The following POLI variants were observed in gnomAD, a reference collection of about 807,000 sequenced individuals.
POLI encodes DNA polymerase iota.
In POLI, 58 loss-of-function variants were observed where a neutral mutation model predicts 51.6. The ratio of observed to expected loss-of-function variants is 1.12; its 90% CI spans 0.91 to 1.40. The LOEUF is 1.40. Ranked by LOEUF, POLI falls within the 40% of genes most tolerant of loss-of-function variation. The pLI, the probability that POLI is intolerant of heterozygous loss-of-function variation, is 0.00. For synonymous variants in POLI, 322 were observed against 299.7 expected (o/e 1.07, Z -0.77); for missense variants, 921 against 871.3 (o/e 1.06, Z -0.72).
intron 3 of POLI, among the ~76,000 whole-genome samples, chr18:54,315,112 T>C (rs2088716568): frequency 6.6e-6 from 1 of 152,320 alleles, no homozygotes; most frequent in East Asian, 1.9e-4. Context: ...CTATAAACTT[T>C]ACTCTTATGA....
intron 2 of POLI, among the ~76,000 whole-genome samples, chr18:54,271,938 G>A (rs1249229370): frequency 6.6e-6 from 1 of 152,074 alleles, no homozygotes; most frequent in African/African-American, 2.4e-5. Flanking sequence ...GTATTATTAA[G>A]ACAGCAAACT....
Position 54,295,924 on chromosome 18 carries a change from G to C in POLI, c.*1457G>C, listed in dbSNP as rs2088306335. The C allele has an allele frequency of 1.0e-6, 1 of 983,700 alleles. No individual in the cohort carries two copies. Among genetic ancestry groups the C allele is most frequent in the African/African-American group, 1.7e-5 (1 of 57,186 alleles). 60.9% of individuals were successfully genotyped at this position (983,700 alleles called of 1,614,324 possible). A position where few individuals can be genotyped will look rare whatever the true frequency, so the allele number is the denominator to read the frequency against. ...TTACAGGTGTGAGCCATTGCTCCTG[G>C]CCCCAGCTCTGAAATTTTAACTTAG... On this transcript the variant is annotated 3_prime_UTR_variant, in exon 10 of 10. Coordinates refer to ENST00000579534, the MANE Select transcript of POLI (RefSeq NM_007195.3).
intron 5 of POLI, among the ~76,000 whole-genome samples, chr18:54,281,419 C>T (rs550922585): frequency 3.3e-5 from 5 of 152,216 alleles, no homozygotes; most frequent in Non-Finnish European, 7.4e-5. Context: ...AGATTAAATA[C>T]CCAAGTTTTT....
chr18:54,313,005 C>T (rs543517932), intron 3 of POLI, among the ~76,000 whole-genome samples: 1 of 152,228 alleles, frequency 6.6e-6, no homozygotes, highest in South Asian at 2.1e-4. Flanking sequence ...CTTTTGAGGA[C>T]TTAGCCATAA....
rs916256617 is a variant in POLI at position 54,269,524 on chromosome 18, G to A, written c.-23G>A. On this transcript the variant is annotated 5_prime_UTR_variant, in exon 1 of 10. Coordinates refer to ENST00000579534, the MANE Select transcript of POLI (RefSeq NM_007195.3). ...GACCAGGCGGAAGCGGCCGGAAGTAGCGCTGCGGTTGGCAGCGGCGGGATG... is the reference window on the plus strand; with the variant it reads ...GACCAGGCGGAAGCGGCCGGAAGTAACGCTGCGGTTGGCAGCGGCGGGATG... 4 of 1,507,610 alleles carry A rather than the reference G, an allele frequency of 2.7e-6. No homozygotes were observed. In the African/African-American group the frequency reaches 5.9e-5, roughly 22 times the overall value. The allele number at this position is 1,507,610 out of a possible 1,614,324, so 93.4% of individuals were successfully genotyped here.
chr18:54,270,609 C>G (rs2086962659), intron 1 of POLI: 1 of 152,160 alleles, frequency 6.6e-6, no homozygotes, highest in Non-Finnish European at 1.5e-5. Flanking sequence ...TAATATTCTA[C>G]CAGTTTTTCT....
intron 3 of POLI, among the ~76,000 whole-genome samples, chr18:54,304,892 T>G (rs1336398982): frequency 2.0e-4 from 31 of 152,236 alleles, no homozygotes; most frequent in Non-Finnish European, 4.1e-4. Context: ...TTTACGGTTT[T>G]AGGTCTAACA....
rs1361698493 is a variant in POLI at position 54,296,255 on chromosome 18, T to G, written c.*1788T>G. The stretch of plus-strand genomic sequence containing the variant: ...AAAATGGCTAAGAAAACAAAGTAAA[T>G]GGTTTTGGCCAGCTTAAAAAGAGAA... On this transcript the variant is annotated 3_prime_UTR_variant, in exon 10 of 10. Transcript: ENST00000579534. 5.1e-6 allele frequency: 5 copies of G among 985,206 alleles called. No individual in the cohort carries two copies. Among genetic ancestry groups the G allele is most frequent in the Non-Finnish European group, 6.0e-6 (5 of 829,886 alleles). 61.0% of individuals were successfully genotyped at this position (985,206 alleles called of 1,614,324 possible). A position where few individuals can be genotyped will look rare whatever the true frequency, so the allele number is the denominator to read the frequency against.
At chr18:54,284,098 G>A (rs2087641550) in intron 7 of POLI, 85 bp downstream of exon 7, 5 of 531,338 alleles carry the variant, frequency 9.4e-6, no homozygotes, top group Non-Finnish European at 1.4e-5. Flanking sequence ...GTTCCATCTT[G>A]GAACTGACAG....
Position 54,277,760 on chromosome 18 carries a change from TG to T in POLI, c.466del (p.Asp156IlefsTer2). Reference sequence around the variant, plus strand: ...AGACTTGGATTTGATGAAAATTTTGTGGATCTAACAGAAATGGTTGAGAAGA... The same window carrying T: ...AGACTTGGATTTGATGAAAATTTTGTGATCTAACAGAAATGGTTGAGAAGA... ...VERLGFDENFVDLTEMVEKRL... is the reference protein window; with the variant it reads ...VERLGFDENFXDLTEMVEKRL... On this transcript the variant is annotated frameshift_variant, in exon 4 of 10. Coordinates refer to ENST00000579534, the MANE Select transcript of POLI (RefSeq NM_007195.3). LOFTEE classifies it high-confidence loss of function. The T allele has an allele frequency of 6.2e-7, 1 of 1,610,688 alleles. No homozygotes were observed.
At chr18:54,291,261 C>G (rs746991647) in intron 8 of POLI, 4 of 152,276 alleles carry the variant, frequency 2.6e-5, no homozygotes, top group Admixed American at 6.5e-5. Flanking sequence ...AAGCTTCAGA[C>G]TAGCAGAGCT....
At chr18:54,272,859 T>A (rs1169433410) in intron 2 of POLI, among the ~76,000 whole-genome samples, 1 of 152,066 alleles carries the variant, frequency 6.6e-6, no homozygotes, top group East Asian at 1.9e-4. Context: ...CAATCTGATT[T>A]TTTATGTAGT....
downstream of POLI, among the ~76,000 whole-genome samples, chr18:54,302,907 A>G (rs1280186841): frequency 1.3e-5 from 2 of 152,210 alleles, no homozygotes; most frequent in African/African-American, 4.8e-5. Flanking sequence ...TTCACTTAAC[A>G]TAACAACCTC....
intron 1 of POLI, chr18:54,270,033 G>C: frequency 2.0e-6 from 2 of 1,008,242 alleles, no homozygotes; most frequent in Non-Finnish European, 2.4e-6. Context: ...TTGGCAGAAG[G>C]TGGGACCCGG....
chr18:54,291,857 TG>T lies in POLI; in HGVS notation c.1225del (p.Val409LeufsTer5). The stretch of plus-strand genomic sequence containing the variant: ...GGAAATTATGATGTGATGACCCCAA[TG>T]GTTGATATACTTATGAAACTTTTTC... ...GTGNYDVMTP[M>X]VDILMKLFRN... On this transcript the variant is annotated frameshift_variant, in exon 9 of 10. Transcript: ENST00000579534. LOFTEE classifies it high-confidence loss of function. 6.3e-7 allele frequency: 1 copy of T among 1,578,896 alleles called. No homozygotes were observed. The highest frequency in any genetic ancestry group is 8.7e-7 in the Non-Finnish European group (1 of 1,149,482).
chr18:54,315,465 ATGTCTAT>A (rs1449379397), intron 3 of POLI, among the ~76,000 whole-genome samples: 3 of 152,066 alleles, frequency 2.0e-5, no homozygotes. Context: ...TATTCTATAG[ATGTCTAT>A]TAGGTCCAAT....
intron 7 of POLI, among the ~76,000 whole-genome samples, chr18:54,286,579 T>C (rs2087757243): frequency 6.6e-6 from 1 of 152,130 alleles, no homozygotes; most frequent in Non-Finnish European, 1.5e-5. Context: ...AAAAAGTTCT[T>C]TTGTTATTTT....
downstream of POLI, among the ~76,000 whole-genome samples, chr18:54,301,027 C>T (rs997958367): frequency 4.6e-5 from 7 of 152,276 alleles, no homozygotes; most frequent in Middle Eastern, 3.4e-3. Flanking sequence ...CACCTGTAAT[C>T]CCAACACTTT....
downstream of POLI, among the ~76,000 whole-genome samples, chr18:54,300,121 T>C (rs1050873154): frequency 6.4e-5 from 7 of 109,206 alleles, no homozygotes; most frequent in Non-Finnish European, 1.2e-4. Flanking sequence ...CAGATGGAAA[T>C]ACAGATCTAC....
Sources: allele counts gnomAD v4.1 joint callset (sites outside exome capture counted in the v4.1 genomes callset), GRCh38; gene constraint gnomAD v4.1.1; transcripts MANE v1.5; gene names NCBI Gene and HGNC (gene_info 2026-07-23, HGNC 2026-07-21).